Variants in FEZF2 observed in about 807,000 individuals in gnomAD.
The protein encoded by FEZF2 is fez family zinc finger protein 2.
FEZF2 carries 2 observed loss-of-function variants against 32.8 expected under a neutral mutation model. The observed-to-expected ratio is 0.06, with a 90% CI of 0.02 to 0.19. The LOEUF (loss-of-function observed/expected upper bound fraction) is 0.19. Ranked by LOEUF, FEZF2 falls within the 10% of genes least tolerant of loss-of-function variation. The pLI, the probability that FEZF2 is intolerant of heterozygous loss-of-function variation, is 1.00. For missense variants in FEZF2, 516 were observed against 625.4 expected (o/e 0.83, Z 1.87); for synonymous variants, 322 against 284.8 (o/e 1.13, Z -1.32).
In FEZF2 at chr3:62,372,562, C is replaced by T; in HGVS notation, c.307G>A (p.Gly103Ser). ...ELWKSSLRAGGGGGGGGGGGG... is the reference protein window; with the variant it reads ...ELWKSSLRAGSGGGGGGGGGG... ...CCACCGCCGCCGCCGCCTCCGCCGC[C>T]GCCCGCCCGGAGGCTGCTTTTCCAG... Residue 103 changes from glycine to serine, a missense_variant, in exon 2 of 5, where the codon GGC (glycine) becomes AGC (serine). Physicochemically the swap from Gly to Ser is moderately conservative, Grantham distance 56. This residue lies in a region of FEZF2 where 408 missense variants were observed against 382.2 expected (regional missense o/e 1.07). Coordinates refer to ENST00000283268, the MANE Select transcript of FEZF2 (RefSeq NM_018008.4). This position sits in a 1 kb window ranked among gnomAD's most constrained non-coding sequence, Gnocchi z 9.6. The T allele has an allele frequency of 7.3e-7, 1 of 1,376,634 alleles. No homozygotes were observed. The highest frequency in any genetic ancestry group is 9.4e-7 in the Non-Finnish European group (1 of 1,065,884). 85.3% of individuals were successfully genotyped at this position (1,376,634 alleles called of 1,614,324 possible). A position where few individuals can be genotyped will look rare whatever the true frequency, so the allele number is the denominator to read the frequency against.
Position 62,372,683 on chromosome 3 carries a change from T to C in FEZF2, c.186A>G (p.Lys62=). The change falls in exon 2 of 5, where the codon AAA becomes AAG. Residue 62 remains lysine, a synonymous_variant. Transcript: ENST00000283268. The surrounding 1 kb of genome is among the most constrained non-coding windows in gnomAD (Gnocchi z 9.6). ...ALEADGSQGK[K]LLNLCSPLPC... is the part of the protein sequence containing the mutation. ...GCAGCGGCGAGCAGAGGTTGAGCAGTTTCTTGCCCTGGCTGCCGTCCGCCT... is the reference window on the plus strand; with the variant it reads ...GCAGCGGCGAGCAGAGGTTGAGCAGCTTCTTGCCCTGGCTGCCGTCCGCCT... 6.2e-7 allele frequency: 1 copy of C among 1,608,070 alleles called. No homozygotes were observed. The highest frequency in any genetic ancestry group is 8.5e-7 in the Non-Finnish European group (1 of 1,177,212).
chr3:62,372,364 G>A lies in FEZF2; in HGVS notation c.505C>T (p.Leu169Phe), dbSNP rs1704284664. The A allele has an allele frequency of 6.2e-7, 1 of 1,610,376 alleles. No homozygotes were observed. Among genetic ancestry groups the A allele is most frequent in the East Asian group, 2.2e-5 (1 of 44,818 alleles). Reference protein sequence around the residue: ...QAVGLPASGSLYYFNYLDSTA... With the variant: ...QAVGLPASGSFYYFNYLDSTA... The stretch of plus-strand genomic sequence containing the variant: ...GAGTCCAGGTAGTTGAAGTAGTAGA[G>A]CGAGCCGCTGGCCGGCAGCCCCACA... Residue 169 changes from leucine to phenylalanine, a missense_variant, in exon 2 of 5, where the codon CTC becomes TTC. Around this residue, in one of 3 missense-constraint regions of FEZF2, gnomAD observed 408 missense variants for 382.2 expected, o/e 1.07. Transcript: ENST00000283268. This position sits in a 1 kb window ranked among gnomAD's most constrained non-coding sequence, Gnocchi z 9.6.
chr3:62,370,047 G>A lies in FEZF2; in HGVS notation c.*36C>T. ...TTATATGTGTGATCTGTTTTCAGGT[G>A]GTACAGGGAGGGAAGGAAGGGCAAG... On this transcript the variant is annotated 3_prime_UTR_variant, in exon 5 of 5. Transcript: ENST00000283268. This position sits in a 1 kb window ranked among gnomAD's most constrained non-coding sequence, Gnocchi z 4.2. 3 of 1,605,068 alleles carry A rather than the reference G, an allele frequency of 1.9e-6. No individual in the cohort carries two copies. The highest frequency in any genetic ancestry group is 2.6e-6 in the Non-Finnish European group (3 of 1,172,892).
chr3:62,371,463 G>T (rs147987883), intron 3 of FEZF2, 70 bp downstream of exon 3: 654 of 1,576,226 alleles, frequency 4.1e-4, no homozygotes, highest in Non-Finnish European at 5.3e-4. Flanking sequence ...TTTGGCCATC[G>T]TATCCCCGGT....
At position 62,372,270 on chromosome 3, in the gene FEZF2, G is replaced by T. The variant is rs1704282868; in HGVS notation, c.599C>A (p.Ala200Asp). 1.9e-6 allele frequency: 3 copies of T among 1,592,820 alleles called. No homozygotes were observed. Among genetic ancestry groups the T allele is most frequent in the Non-Finnish European group, 2.6e-6 (3 of 1,169,938 alleles). Residue 200 changes from alanine (A) to aspartate (D), a missense_variant, in exon 2 of 5, where the codon GCC becomes GAC. By Grantham distance (126) the Ala-to-Asp change is moderately radical (BLOSUM62 -2). This residue lies in a region of FEZF2 where 408 missense variants were observed against 382.2 expected (regional missense o/e 1.07). Coordinates refer to ENST00000283268, the MANE Select transcript of FEZF2 (RefSeq NM_018008.4). The surrounding 1 kb of genome is among the most constrained non-coding windows in gnomAD (Gnocchi z 9.6). Reference sequence around the variant, plus strand: ...GGGGTGAGCAGCCAGGGCGGCGGGGGCCTGCGCATTGAGGAGGCCAGACGG... The same window carrying T: ...GGGGTGAGCAGCCAGGGCGGCGGGGTCCTGCGCATTGAGGAGGCCAGACGG... ...LFPSGLLNAQ[A>D]PAALAAHPKL... is the part of the protein sequence containing the mutation.
chr3:62,372,049 G>T lies in FEZF2; in HGVS notation c.820C>A (p.Pro274Thr), dbSNP rs768417256. Residue 274 changes from proline (P) to threonine (T), a missense_variant, in exon 2 of 5, where the codon CCC (proline) becomes ACC (threonine). Physicochemically the swap from Pro to Thr is conservative, Grantham distance 38. Around this residue, in one of 3 missense-constraint regions of FEZF2, gnomAD observed 408 missense variants for 382.2 expected, o/e 1.07. Transcript: ENST00000283268. This position sits in a 1 kb window ranked among gnomAD's most constrained non-coding sequence, Gnocchi z 9.6. ...CACACCTCGCAGGTGAAGTTTTTGGGCTTGCCATCTGCGGAGCCTCCTGGC... is the reference window on the plus strand; with the variant it reads ...CACACCTCGCAGGTGAAGTTTTTGGTCTTGCCATCTGCGGAGCCTCCTGGC... ...KLPGGSADGK[P>T]KNFTCEVCGK... 3 of 1,608,570 alleles carry T rather than the reference G, an allele frequency of 1.9e-6. No homozygotes were observed. Among genetic ancestry groups the T allele is most frequent in the African/African-American group, 1.3e-5 (1 of 74,916 alleles).
intron 4 of FEZF2, 78 bp downstream of exon 4, chr3:62,371,139 T>C: frequency 6.2e-7 from 1 of 1,607,996 alleles, no homozygotes; most frequent in Non-Finnish European, 8.5e-7. Context: ...TCCAGATCCC[T>C]CTTTGCCTTC....
In FEZF2 at chr3:62,369,934, T is replaced by C; in HGVS notation, c.*149A>G. The C allele has an allele frequency of 2.0e-6, 2 of 1,015,314 alleles. No homozygotes were observed. Among genetic ancestry groups the C allele is most frequent in the East Asian group, 2.7e-5 (1 of 37,602 alleles). 62.9% of individuals were successfully genotyped at this position (1,015,314 alleles called of 1,614,324 possible). A position where few individuals can be genotyped will look rare whatever the true frequency, so the allele number is the denominator to read the frequency against. ...TTTGCTGCCAGTCATCGAGGAAACA[T>C]TTAGCTTTCCAAAAATATGCTGGTT... On this transcript the variant is annotated 3_prime_UTR_variant, in exon 5 of 5. Coordinates refer to ENST00000283268, the MANE Select transcript of FEZF2 (RefSeq NM_018008.4). The surrounding 1 kb of genome is among the most constrained non-coding windows in gnomAD (Gnocchi z 4.2).
intron 3 of FEZF2, 53 bp downstream of exon 3, chr3:62,371,480 A>G (rs1287314781): frequency 4.4e-6 from 7 of 1,584,806 alleles, no homozygotes; most frequent in Non-Finnish European, 6.0e-6. Context: ...CGGTGTTATC[A>G]CTAAGATTCT....
In FEZF2 at chr3:62,372,940, A is replaced by C; in HGVS notation, c.-58-14T>G. ...TCTCCTCTAAGTCTGCATTCCGGAA[A>C]AGGCAGGGGGGAAAACTGCAATTTA... is the stretch of plus-strand genomic sequence containing the variant. On this transcript the variant is annotated splice_polypyrimidine_tract_variant and intron_variant, in intron 1 of 4. Coordinates refer to ENST00000283268, the MANE Select transcript of FEZF2 (RefSeq NM_018008.4). This position sits in a 1 kb window ranked among gnomAD's most constrained non-coding sequence, Gnocchi z 9.6. 3 of 1,307,426 alleles carry C rather than the reference A, an allele frequency of 2.3e-6. No homozygotes were observed. Among genetic ancestry groups the C allele is most frequent in the Non-Finnish European group, 2.9e-6 (3 of 1,019,458 alleles). 81.0% of individuals were successfully genotyped at this position (1,307,426 alleles called of 1,614,324 possible). A position where few individuals can be genotyped will look rare whatever the true frequency, so the allele number is the denominator to read the frequency against.
chr3:62,371,767 C>T (rs1400538383), intron 2 of FEZF2, 100 bp from the exon 3 acceptor site: 1 of 1,506,828 alleles, frequency 6.6e-7, no homozygotes, highest in African/African-American at 1.4e-5. Flanking sequence ...ACACCCCCTT[C>T]AGAAACCAGA....
In FEZF2 at chr3:62,372,067, C is replaced by G. The variant is rs1559836482; in HGVS notation, c.802G>C (p.Gly268Arg). Residue 268 changes from glycine to arginine, a missense_variant, in exon 2 of 5, where the codon GGC becomes CGC. Gly to Arg is a moderately radical substitution (Grantham distance 125, BLOSUM62 -2). This residue lies in a region of FEZF2 where 408 missense variants were observed against 382.2 expected (regional missense o/e 1.07). Transcript: ENST00000283268. This position sits in a 1 kb window ranked among gnomAD's most constrained non-coding sequence, Gnocchi z 9.6. The part of the protein sequence containing the change: ...GVKGHSKLPG[G>R]SADGKPKNFT... ...TTTTTGGGCTTGCCATCTGCGGAGCCTCCTGGCAGCTTGCTGTGGCCCTTG... is the reference window on the plus strand; with the variant it reads ...TTTTTGGGCTTGCCATCTGCGGAGCGTCCTGGCAGCTTGCTGTGGCCCTTG... 1 of 1,609,390 alleles carries G rather than the reference C, an allele frequency of 6.2e-7. No homozygotes were observed. The highest frequency in any genetic ancestry group is 8.5e-7 in the Non-Finnish European group (1 of 1,179,018).
chr3:62,372,419 C>A lies in FEZF2; in HGVS notation c.450G>T (p.Arg150Ser), dbSNP rs748340808. ...GLAPSALPAG[R>S]VIKPQVINQA... ...GGTTGATGACCTGCGGCTTGATGAC[C>A]CTGCCCGCGGGCAGCGCGGACGGCG... The change falls in exon 2 of 5, where the codon AGG becomes AGT. Residue 150 changes from arginine (R) to serine (S), a missense_variant. Arg to Ser is a moderately radical substitution (Grantham distance 110). Coordinates refer to ENST00000283268, the MANE Select transcript of FEZF2 (RefSeq NM_018008.4). This position sits in a 1 kb window ranked among gnomAD's most constrained non-coding sequence, Gnocchi z 9.6. 2 of 1,610,578 alleles carry A rather than the reference C, an allele frequency of 1.2e-6. No individual in the cohort carries two copies. The highest frequency in any genetic ancestry group is 1.1e-5 in the South Asian group (1 of 90,824).
In FEZF2 at chr3:62,370,254, G is replaced by A. The variant is rs749701877; in HGVS notation, c.1209C>T (p.Asn403=). The A allele has an allele frequency of 1.2e-6, 2 of 1,614,242 alleles. No individual in the cohort carries two copies. The highest frequency in any genetic ancestry group is 3.3e-5 in the Admixed American group (2 of 60,030). The change falls in exon 5 of 5, where the codon AAC becomes AAT. Residue 403 remains asparagine (N), a synonymous_variant. Transcript: ENST00000283268. This position sits in a 1 kb window ranked among gnomAD's most constrained non-coding sequence, Gnocchi z 4.2. ...TGTGGGTGTGCATATGGAAGGTTAG[G>A]TTGTAGACCTGGTGGAAGGCCTTGT... ...ICNKAFHQVY[N]LTFHMHTHND...
At position 62,372,102 on chromosome 3, in the gene FEZF2, C is replaced by A. The variant is rs1414083525; in HGVS notation, c.767G>T (p.Arg256Leu). 6.2e-7 allele frequency: 1 copy of A among 1,605,200 alleles called. No homozygotes were observed. Among genetic ancestry groups the A allele is most frequent in the Middle Eastern group, 1.7e-4 (1 of 6,054 alleles). ...CTTGCTGTGGCCCTTGACGCCTCCG[C>A]GCTCGGCAGTCAGGGCCGAGTTTTC... ...LKENSALTAERGGVKGHSKLP... is the reference protein window; with the variant it reads ...LKENSALTAELGGVKGHSKLP... Residue 256 changes from arginine (R) to leucine (L), a missense_variant, in exon 2 of 5, where the codon CGC becomes CTC. This residue lies in a region of FEZF2 where 408 missense variants were observed against 382.2 expected (regional missense o/e 1.07). Transcript: ENST00000283268. The surrounding 1 kb of genome is among the most constrained non-coding windows in gnomAD (Gnocchi z 9.6).
At position 62,371,522 on chromosome 3, in the gene FEZF2, G is replaced by A. The variant is rs746972333; in HGVS notation, c.987+11C>T. 2 of 1,607,644 alleles carry A rather than the reference G, an allele frequency of 1.2e-6. No individual in the cohort carries two copies. Among genetic ancestry groups the A allele is most frequent in the Admixed American group, 3.4e-5 (2 of 59,430 alleles). On this transcript the variant is annotated intron_variant, in intron 3 of 4. Transcript: ENST00000283268. ...TGCGCGCGGGCTAGGCCCGACCCGG[G>A]GGCCACGTACCTGGGTGTGGATAAT...
Position 62,372,897 on chromosome 3 carries a change from G to A in FEZF2, c.-29C>T, listed in dbSNP as rs1704295350. 3 of 1,369,860 alleles carry A rather than the reference G, an allele frequency of 2.2e-6. No homozygotes were observed. In the East Asian group the frequency reaches 8.7e-5, roughly 40 times the overall value. The allele number at this position is 1,369,860 out of a possible 1,614,324, so 84.9% of individuals were successfully genotyped here. A position where few individuals can be genotyped will look rare whatever the true frequency, so the allele number is the denominator to read the frequency against. On this transcript the variant is annotated 5_prime_UTR_variant, in exon 2 of 5. Transcript: ENST00000283268. The surrounding 1 kb of genome is among the most constrained non-coding windows in gnomAD (Gnocchi z 9.6). The stretch of plus-strand genomic sequence containing the variant: ...GCGCGGAGCTGAGCCGAGCCAGGCT[G>A]GGCCAGGGCGCAGCCTCTCTCCTCT...
In FEZF2 at chr3:62,372,311, G is replaced by T; in HGVS notation, c.558C>A (p.Leu186=). Residue 186 remains leucine, a synonymous_variant, in exon 2 of 5, where the codon CTC becomes CTA. Transcript: ENST00000283268. This position sits in a 1 kb window ranked among gnomAD's most constrained non-coding sequence, Gnocchi z 9.6. ...GGCCAGACGGGAAGAGGTGGCCGCTGAGGAGCTCAGACGGCGGGTACGCGG... is the reference window on the plus strand; with the variant it reads ...GGCCAGACGGGAAGAGGTGGCCGCTTAGGAGCTCAGACGGCGGGTACGCGG... The part of the protein sequence containing the change: ...DSTAYPPSEL[L]SGHLFPSGLL... 2 of 1,608,724 alleles carry T rather than the reference G, an allele frequency of 1.2e-6. No homozygotes were observed. Among genetic ancestry groups the T allele is most frequent in the Non-Finnish European group, 8.5e-7 (1 of 1,178,662 alleles).
rs1168244087 is a variant in FEZF2, at chr3:62,370,766, C to A, written c.1121-424G>T. Among the ~76,000 whole-genome samples, 1 of 152,188 alleles carries A rather than the reference C, an allele frequency of 6.6e-6. No homozygotes were observed. The highest frequency in any genetic ancestry group is 2.4e-5 in the African/African-American group (1 of 41,438). On this transcript the variant is annotated intron_variant, in intron 4 of 4. Coordinates refer to ENST00000283268, the MANE Select transcript of FEZF2 (RefSeq NM_018008.4). The surrounding 1 kb of genome is among the most constrained non-coding windows in gnomAD (Gnocchi z 4.2). ...AAGTTACTTCTTTCTCGCCCCCCAA[C>A]TACCAACTGAAGATCCAAAAGTGCC...
Sources: allele counts gnomAD v4.1 joint callset (sites outside exome capture counted in the v4.1 genomes callset), GRCh38; gene constraint gnomAD v4.1.1; regional missense constraint gnomAD v4.1.1; non-coding constraint Gnocchi (gnomAD v3.1); transcripts MANE v1.5; gene names NCBI Gene and HGNC (gene_info 2026-07-23, HGNC 2026-07-21).